Variants in CNOT7 observed in about 807,000 individuals in gnomAD.
CNOT7 encodes CCR4-NOT transcription complex subunit 7, also known as BTG1-binding factor 1.
CNOT7 carries 4 observed loss-of-function variants against 37.1 expected under a neutral mutation model. That is an observed-to-expected ratio of 0.11 (90% CI 0.05 to 0.25). The LOEUF (loss-of-function observed/expected upper bound fraction) is 0.25. Among genes scored for constraint, CNOT7 ranks in the 10% least tolerant of loss-of-function variants. The pLI is 1.00. For synonymous variants in CNOT7, 128 were observed against 115.6 expected (o/e 1.11, Z -0.69); for missense variants, 170 against 336.2 (o/e 0.51, Z 3.87).
Position 17,234,701 on chromosome 8 carries a change from C to T in CNOT7, c.618+15G>A. 1.2e-6 allele frequency: 2 copies of T among 1,613,574 alleles called. No homozygotes were observed. Among genetic ancestry groups the T allele is most frequent in the Non-Finnish European group, 1.7e-6 (2 of 1,179,650 alleles). ...AACAGTGTGCTGCTGTAGATAATGC[C>T]ATCCGAAGCCTTACTTTGAGATTTT... is the stretch of plus-strand genomic sequence containing the variant. On this transcript the variant is annotated intron_variant, in intron 5 of 6. Coordinates refer to ENST00000361272, the MANE Select transcript of CNOT7 (RefSeq NM_013354.7).
chr8:17,234,886 A>G, intron 4 of CNOT7, 26 bp from the exon 5 acceptor site: 1 of 1,606,294 alleles, frequency 6.2e-7, no homozygotes, highest in Non-Finnish European at 8.5e-7. Context: ...AAGAATAGAG[A>G]AGAGGGACAT....
chr8:17,234,016 T>A (rs981532247), intron 5 of CNOT7, among the ~76,000 whole-genome samples: 2 of 152,122 alleles, frequency 1.3e-5, no homozygotes, highest in African/African-American at 2.4e-5. Context: ...ACCACGCCAC[T>A]GCACTCCAGC....
intron 3 of CNOT7, among the ~76,000 whole-genome samples, chr8:17,239,181 T>G (rs575540511): frequency 7.0e-4 from 106 of 152,310 alleles, no homozygotes; most frequent in African/African-American, 2.3e-3. Flanking sequence ...GCCTCCCAAG[T>G]AGCTGGGACT....
intron 3 of CNOT7, chr8:17,237,676 T>G (rs1042226065): frequency 8.5e-6 from 2 of 234,868 alleles, no homozygotes; most frequent in African/African-American, 4.5e-5. Flanking sequence ...GAAAAGGGTC[T>G]CCTATTCACC....
Position 17,228,427 on chromosome 8 carries a change from C to T in CNOT7, c.*2293G>A, listed in dbSNP as rs1269911187. The T allele has an allele frequency of 6.6e-6, 1 of 151,906 alleles. No individual in the cohort carries two copies. Among genetic ancestry groups the T allele is most frequent in the African/African-American group, 2.4e-5 (1 of 41,396 alleles). 9.4% of individuals were successfully genotyped at this position (151,906 alleles called of 1,614,324 possible). The stretch of plus-strand genomic sequence containing the variant: ...CTACAAAAGTTACACTATACGGTTG[C>T]TCAACCTACAATGAGGTTACATCTG... On this transcript the variant is annotated 3_prime_UTR_variant, in exon 7 of 7. Transcript: ENST00000361272.
At chr8:17,231,380 A>C (rs989987587) in intron 6 of CNOT7, 11 of 268,814 alleles carry the variant, frequency 4.1e-5, no homozygotes, top group African/African-American at 2.5e-4. Context: ...CCATTAAGAC[A>C]TTTTTAAAAT....
At chr8:17,232,727 A>G (rs1808796183) in intron 5 of CNOT7, among the ~76,000 whole-genome samples, 190 bp from the exon 6 acceptor site, 1 of 152,210 alleles carries the variant, frequency 6.6e-6, no homozygotes, top group South Asian at 2.1e-4. Flanking sequence ...AAAAAGTATC[A>G]TTTAATAGAA....
In CNOT7 at chr8:17,238,129, T is replaced by G. The variant is rs535805776; in HGVS notation, c.312-756A>C. Among the ~76,000 whole-genome samples, 53 of 152,324 alleles carry G rather than the reference T, an allele frequency of 3.5e-4. No individual in the cohort carries two copies. The East Asian group carries it at 9.8e-3, about 28-fold the overall frequency. On this transcript the variant is annotated intron_variant, in intron 3 of 6. Transcript: ENST00000361272. ...ACCACAAATATGTGTATCTGAAATATTAAAAGTTTCCAAAATATATCTGTA... is the reference window on the plus strand; with the variant it reads ...ACCACAAATATGTGTATCTGAAATAGTAAAAGTTTCCAAAATATATCTGTA...
intron 1 of CNOT7, 147 bp downstream of exon 1, chr8:17,246,528 C>G (rs923911391): frequency 6.5e-6 from 1 of 154,088 alleles, no homozygotes; most frequent in Non-Finnish European, 1.4e-5. Flanking sequence ...GTTACCCAGC[C>G]CCCAACCCGC....
intron 6 of CNOT7, among the ~76,000 whole-genome samples, chr8:17,231,134 T>G (rs942413831): frequency 2.0e-5 from 3 of 152,142 alleles, no homozygotes; most frequent in African/African-American, 7.2e-5. Flanking sequence ...GAAAAATAAC[T>G]ATTCCATTAA....
chr8:17,240,485 C>G (rs544996688), intron 3 of CNOT7, among the ~76,000 whole-genome samples: 5 of 152,146 alleles, frequency 3.3e-5, no homozygotes, highest in Admixed American at 2.0e-4. Flanking sequence ...GGTAGCAAAA[C>G]TTGGTAGTAA....
Position 17,228,487 on chromosome 8 carries a change from G to A in CNOT7, c.*2233C>T, listed in dbSNP as rs1808306246. On this transcript the variant is annotated 3_prime_UTR_variant, in exon 7 of 7. Coordinates refer to ENST00000361272, the MANE Select transcript of CNOT7 (RefSeq NM_013354.7). The stretch of plus-strand genomic sequence containing the variant: ...TAAGATGCATTTAATGCAGGCAACA[G>A]CATACAGTCCCCCAATTTACGATGG... 6.6e-6 allele frequency: 1 copy of A among 151,886 alleles called. No individual in the cohort carries two copies. The highest frequency in any genetic ancestry group is 2.4e-5 in the African/African-American group (1 of 41,406). The allele number at this position is 151,886 out of a possible 1,614,324, so 9.4% of individuals were successfully genotyped here. A position where few individuals can be genotyped will look rare whatever the true frequency, so the allele number is the denominator to read the frequency against.
rs962320134 is a variant in CNOT7 at position 17,229,647 on chromosome 8, AATAT to A, written c.*1069_*1072del. The A allele has an allele frequency of 6.6e-6, 1 of 151,434 alleles. No individual in the cohort carries two copies. The highest frequency in any genetic ancestry group is 2.4e-5 in the African/African-American group (1 of 41,242). 9.4% of individuals were successfully genotyped at this position (151,434 alleles called of 1,614,324 possible). A position where few individuals can be genotyped will look rare whatever the true frequency, so the allele number is the denominator to read the frequency against. The stretch of plus-strand genomic sequence containing the variant: ...TATCAGCTATATATATATATATGAG[AATAT>A]ATATATATTTTGTTGTTTTGTACCA... On this transcript the variant is annotated 3_prime_UTR_variant, in exon 7 of 7. Coordinates refer to ENST00000361272, the MANE Select transcript of CNOT7 (RefSeq NM_013354.7).
At position 17,229,363 on chromosome 8, in the gene CNOT7, C is replaced by T. The variant is rs892201512; in HGVS notation, c.*1357G>A. On this transcript the variant is annotated 3_prime_UTR_variant, in exon 7 of 7. Transcript: ENST00000361272. Reference sequence around the variant, plus strand: ...TGTAATATCATGAATAAAGAATGTACAAGGGAGACAAACCAATGTGACTAA... The same window carrying T: ...TGTAATATCATGAATAAAGAATGTATAAGGGAGACAAACCAATGTGACTAA... 2 of 152,164 alleles carry T rather than the reference C, an allele frequency of 1.3e-5. No homozygotes were observed. The highest frequency in any genetic ancestry group is 4.8e-5 in the African/African-American group (2 of 41,374). 9.4% of individuals were successfully genotyped at this position (152,164 alleles called of 1,614,324 possible).
Position 17,246,721 on chromosome 8 carries a change from A to C in CNOT7, c.-142T>G. ...CCTCCTCCTCCTCCTCGCCATAGAGACAGCACTCGGCGGCGGTGGCGGTGG... is the reference window on the plus strand; with the variant it reads ...CCTCCTCCTCCTCCTCGCCATAGAGCCAGCACTCGGCGGCGGTGGCGGTGG... On this transcript the variant is annotated 5_prime_UTR_variant, in exon 1 of 7. Transcript: ENST00000361272. 5.3e-6 allele frequency: 1 copy of C among 188,666 alleles called. No individual in the cohort carries two copies. The allele number at this position is 188,666 out of a possible 1,614,324, so 11.7% of individuals were successfully genotyped here. A position where few individuals can be genotyped will look rare whatever the true frequency, so the allele number is the denominator to read the frequency against.
intron 3 of CNOT7, among the ~76,000 whole-genome samples, chr8:17,241,010 T>A (rs563574842): frequency 6.6e-6 from 1 of 152,212 alleles, no homozygotes; most frequent in Non-Finnish European, 1.5e-5. Flanking sequence ...AAAGCCATCC[T>A]GGGCCAAGGG....
Position 17,234,859 on chromosome 8 carries a change from C to A in CNOT7, c.475G>T (p.Gly159Cys). Residue 159 changes from glycine to cysteine, a missense_variant and splice_region_variant, in exon 5 of 7, where the codon GGT (glycine) becomes TGT (cysteine). This residue lies in a region of CNOT7 where 68 missense variants were observed against 151.1 expected (regional missense o/e 0.45). Transcript: ENST00000361272. ...TTGATTAAGTAGCCAAAGTCGTAAC[C>A]GCTATAAAAGGGTTAAAAGAATAGA... is the stretch of plus-strand genomic sequence containing the variant. ...EGVKWLSFHS[G>C]YDFGYLIKIL... The A allele has an allele frequency of 6.2e-7, 1 of 1,612,788 alleles. No homozygotes were observed. Among genetic ancestry groups the A allele is most frequent in the South Asian group, 1.1e-5 (1 of 90,982 alleles).
In CNOT7 at chr8:17,232,198, T is replaced by G. The variant is rs898251282; in HGVS notation, c.729+229A>C. The G allele has an allele frequency of 3.0e-6, 4 of 1,342,206 alleles. No individual in the cohort carries two copies. In the Admixed American group the frequency reaches 1.4e-4, roughly 47 times the overall value. 83.1% of individuals were successfully genotyped at this position (1,342,206 alleles called of 1,614,324 possible). A position where few individuals can be genotyped will look rare whatever the true frequency, so the allele number is the denominator to read the frequency against. On this transcript the variant is annotated intron_variant, in intron 6 of 6. Coordinates refer to ENST00000361272, the MANE Select transcript of CNOT7 (RefSeq NM_013354.7). Reference sequence around the variant, plus strand: ...TACATGACTTCTCAGGTAGTTTATGTTTTAAAATTGTTGGTTCTATGATGA... The same window carrying G: ...TACATGACTTCTCAGGTAGTTTATGGTTTAAAATTGTTGGTTCTATGATGA...
In CNOT7 at chr8:17,225,735, A is replaced by G. The variant is rs1361777880; in HGVS notation, c.*4985T>C. The G allele has an allele frequency of 1.3e-5, 2 of 151,652 alleles. No homozygotes were observed. The highest frequency in any genetic ancestry group is 4.8e-5 in the African/African-American group (2 of 41,362). The allele number at this position is 151,652 out of a possible 1,614,324, so 9.4% of individuals were successfully genotyped here. A position where few individuals can be genotyped will look rare whatever the true frequency, so the allele number is the denominator to read the frequency against. The stretch of plus-strand genomic sequence containing the variant: ...TTAATAGAAAAATAAATGACAGGTA[A>G]CGTTGTTATAAAAGAAACTCTCATA... On this transcript the variant is annotated 3_prime_UTR_variant, in exon 7 of 7. Coordinates refer to ENST00000361272, the MANE Select transcript of CNOT7 (RefSeq NM_013354.7).
Sources: gnomAD v4.1 joint callset for allele counts (sites outside exome capture counted in the v4.1 genomes callset) on GRCh38, gnomAD v4.1.1 for gene constraint, gnomAD v4.1.1 regional missense constraint, MANE v1.5 for transcripts, NCBI Gene and HGNC (gene_info 2026-07-23, HGNC 2026-07-21) for gene names.